The following PDE6A variants were observed in gnomAD, a reference collection of about 807,000 sequenced individuals.
PDE6A encodes the protein phosphodiesterase 6A.
A neutral mutation model predicts 106.3 loss-of-function variants in PDE6A; 84 were observed. That is an observed-to-expected ratio of 0.79 (90% CI 0.66 to 0.95). PDE6A has a LOEUF of 0.95. PDE6A is among the 40% of genes least tolerant of loss of function. The pLI, the probability that PDE6A is intolerant of heterozygous loss-of-function variation, is 0.00. For missense variants in PDE6A, 1,052 were observed against 1,084.9 expected (o/e 0.97, Z 0.43); for synonymous variants, 394 against 386.6 (o/e 1.02, Z -0.23).
intron 4 of PDE6A, 41 bp downstream of exon 4, chr5:149,930,987 T>A: frequency 1.9e-6 from 3 of 1,606,834 alleles, no homozygotes; most frequent in Non-Finnish European, 2.6e-6. Context: ...AGTGTCTGTT[T>A]AATCTTTTCT....
At chr5:149,868,514 A>C (rs1760417987) in intron 17 of PDE6A, among the ~76,000 whole-genome samples, 1 of 152,352 alleles carries the variant, frequency 6.6e-6, no homozygotes, top group East Asian at 1.9e-4. Flanking sequence ...ATGCATAAGG[A>C]ACATGTACTG....
intron 6 of PDE6A, among the ~76,000 whole-genome samples, chr5:149,912,239 T>G (rs961346094): frequency 8.5e-5 from 13 of 152,184 alleles, no homozygotes; most frequent in African/African-American, 3.1e-4. Context: ...TGCCTCAGCC[T>G]CCTGATTAGC....
intron 6 of PDE6A, among the ~76,000 whole-genome samples, chr5:149,908,777 G>A (rs1269473764): frequency 1.3e-5 from 2 of 152,056 alleles, no homozygotes; most frequent in Non-Finnish European, 2.9e-5. Context: ...AGCGACTGAG[G>A]AGTCTGAAGT....
At chr5:149,933,604 C>T (rs1171269746) in intron 3 of PDE6A, among the ~76,000 whole-genome samples, 1 of 152,186 alleles carries the variant, frequency 6.6e-6, no homozygotes, top group Non-Finnish European at 1.5e-5. Flanking sequence ...CTATTGATGG[C>T]AACCTTTTGA....
chr5:149,941,781 T>G (rs982124894), intron 1 of PDE6A, among the ~76,000 whole-genome samples: 2 of 152,214 alleles, frequency 1.3e-5, no homozygotes, highest in Admixed American at 6.5e-5. Context: ...TCAAGGAGAC[T>G]CAAAAGACAG....
At chr5:149,917,593 G>A (rs988083585) in intron 5 of PDE6A, among the ~76,000 whole-genome samples, 23 of 152,174 alleles carry the variant, frequency 1.5e-4, no homozygotes, top group Admixed American at 1.5e-3. Flanking sequence ...AAAGGCAGAA[G>A]CTGAAACCAC....
intron 19 of PDE6A, chr5:149,866,991 G>A (rs766351505): frequency 4.5e-5 from 7 of 155,014 alleles, no homozygotes; most frequent in Non-Finnish European, 8.6e-5. Context: ...GGCCCTTCAC[G>A]TGTTTCTTCA....
rs1329593013 is a variant in PDE6A, at chr5:149,925,722, A to AAG, written c.859-4014_859-4013insCT. Among the ~76,000 whole-genome samples the AAG allele has an allele frequency of 5.3e-5, 8 of 151,852 alleles. No homozygotes were observed. The South Asian group carries it at 1.7e-3, about 32-fold the overall frequency. ...ACTCTGTCTCAAAAAAAAAAAAAAA[A>AAG]AAGAGTTAGTAATTAATAGAAGATG... On this transcript the variant is annotated intron_variant, in intron 4 of 21. Transcript: ENST00000255266.
intron 13 of PDE6A, among the ~76,000 whole-genome samples, chr5:149,890,142 A>T (rs1752492986): frequency 1.3e-5 from 2 of 151,948 alleles, no homozygotes; most frequent in Non-Finnish European, 2.9e-5. Context: ...TTTTTGGTAG[A>T]GATGGGGTTT....
In PDE6A at chr5:149,940,607, C is replaced by A. The variant is rs143300802; in HGVS notation, c.474+3593G>T. 7.0e-3 allele frequency among the ~76,000 whole-genome samples: 1,062 copies of A among 151,428 alleles called. 12 individuals are homozygous for A. Among genetic ancestry groups the A allele is most frequent in the African/African-American group, 0.024 (1,007 of 41,160 alleles). ...CCACCTCCCAGGTTCAAATGATTCTCCTGCCTCAGCCTCCCGAGTAGCTGG... is the reference window on the plus strand; with the variant it reads ...CCACCTCCCAGGTTCAAATGATTCTACTGCCTCAGCCTCCCGAGTAGCTGG... On this transcript the variant is annotated intron_variant, in intron 1 of 21. Coordinates refer to ENST00000255266, the MANE Select transcript of PDE6A (RefSeq NM_000440.3).
intron 5 of PDE6A, among the ~76,000 whole-genome samples, chr5:149,918,791 CTTTT>C (rs888414918): frequency 6.8e-6 from 1 of 146,886 alleles, no homozygotes; most frequent in Non-Finnish European, 1.5e-5. Flanking sequence ...TTCTTTTTTT[CTTTT>C]TTTTTTAGTT....
chr5:149,920,220 A>G (rs868272491), intron 5 of PDE6A, among the ~76,000 whole-genome samples: 18 of 152,312 alleles, frequency 1.2e-4, no homozygotes, highest in African/African-American at 4.3e-4. Flanking sequence ...ATCAGAGATC[A>G]GAAACTTAAA....
Position 149,863,364 on chromosome 5 carries a change from C to G in PDE6A, c.2359-98G>C. 1 of 1,281,640 alleles carries G rather than the reference C, an allele frequency of 7.8e-7. No homozygotes were observed. Among genetic ancestry groups the G allele is most frequent in the South Asian group, 1.2e-5 (1 of 81,736 alleles). The allele number at this position is 1,281,640 out of a possible 1,614,324, so 79.4% of individuals were successfully genotyped here. A position where few individuals can be genotyped will look rare whatever the true frequency, so the allele number is the denominator to read the frequency against. ...TGGAAACGTCCAACACTGGAATGAG[C>G]TGCTTCGGAGTAGCAGGCCTCCCGC... is the stretch of plus-strand genomic sequence containing the variant. On this transcript the variant is annotated intron_variant, in intron 20 of 21. Transcript: ENST00000255266. The surrounding 1 kb of genome is among the most constrained non-coding windows in gnomAD (Gnocchi z 4.7).
intron 5 of PDE6A, among the ~76,000 whole-genome samples, chr5:149,920,966 GAAAGAAAGAAAGAAAGAAAGAAAGAA>G (rs1314327546): frequency 7.0e-5 from 9 of 128,544 alleles, no homozygotes; most frequent in African/African-American, 3.7e-4. Context: ...AAGAAAGAAA[GAAAGAAAGAAAGAAAGAAAGAAAGAA>G]AGAAAAAGAA....
intron 4 of PDE6A, among the ~76,000 whole-genome samples, chr5:149,928,418 A>G (rs1484762209): frequency 1.3e-5 from 2 of 150,422 alleles, no homozygotes; most frequent in Non-Finnish European, 3.0e-5. Context: ...TTTTATTTTT[A>G]GTAGAGACGG....
chr5:149,920,889 G>T (rs899982152), intron 5 of PDE6A, among the ~76,000 whole-genome samples: 5 of 140,620 alleles, frequency 3.6e-5, no homozygotes, highest in African/African-American at 1.4e-4. Flanking sequence ...GAGAGAGACA[G>T]AGAGAGAGAG....
chr5:149,876,672 GT>G (rs931562054), intron 17 of PDE6A, among the ~76,000 whole-genome samples: 2 of 151,808 alleles, frequency 1.3e-5, no homozygotes, highest in Non-Finnish European at 2.9e-5. Context: ...CCTGCTAATT[GT>G]TTTTTGTATT....
intron 11 of PDE6A, 43 bp downstream of exon 11, chr5:149,896,668 A>T: frequency 6.2e-7 from 1 of 1,614,044 alleles, no homozygotes; most frequent in Non-Finnish European, 8.5e-7. Context: ...AGCACTTTGC[A>T]CTTGTTATAC....
intron 1 of PDE6A, among the ~76,000 whole-genome samples, chr5:149,942,226 G>T (rs1754345458): frequency 6.6e-6 from 1 of 152,010 alleles, no homozygotes; most frequent in Admixed American, 6.5e-5. Flanking sequence ...GCCTCCCAAA[G>T]TGCTGGGATT....
Sources: gnomAD v4.1 joint callset for allele counts (sites outside exome capture counted in the v4.1 genomes callset) on GRCh38, gnomAD v4.1.1 for gene constraint, Gnocchi (gnomAD v3.1) non-coding constraint, MANE v1.5 for transcripts, NCBI Gene and HGNC (gene_info 2026-07-23, HGNC 2026-07-21) for gene names.